The following PARN variants were observed in gnomAD, a reference collection of about 807,000 sequenced individuals.
PARN encodes poly(A)-specific ribonuclease PARN.
In PARN, 71 loss-of-function variants were observed where a neutral mutation model predicts 102.8. The ratio of observed to expected loss-of-function variants is 0.69; its 90% confidence interval spans 0.57 to 0.84. The LOEUF (loss-of-function observed/expected upper bound fraction) is 0.84. Among genes scored for constraint, PARN ranks in the 40% least tolerant of loss-of-function variants. The probability of loss-of-function intolerance (pLI) is 0.00; values close to 1 mark genes in which losing one functional copy is unlikely to be tolerated. For missense variants in PARN, 782 were observed against 760.9 expected (o/e 1.03, Z -0.33); for synonymous variants, 261 against 252.9 (o/e 1.03, Z -0.30).
At chr16:14,497,762 G>A (rs2151620034) in intron 21 of PARN, among the ~76,000 whole-genome samples, 2 of 149,340 alleles carry the variant, frequency 1.3e-5, no homozygotes, top group South Asian at 4.2e-4. Flanking sequence ...CTTTCATTAA[G>A]GGCTGCACTA....
chr16:14,463,847 G>GGT (rs1962152198), intron 22 of PARN, among the ~76,000 whole-genome samples: 1 of 140,574 alleles, frequency 7.1e-6, no homozygotes, highest in Non-Finnish European at 1.6e-5. Context: ...TTGGGGGGGG[G>GGT]GGGACGACAA....
intron 21 of PARN, among the ~76,000 whole-genome samples, chr16:14,524,878 C>T (rs1166225648): frequency 2.0e-5 from 3 of 152,180 alleles, no homozygotes; most frequent in Non-Finnish European, 4.4e-5. Context: ...TAAAATGAAA[C>T]TCTTATTTCC....
At chr16:14,594,280 T>C (rs183279068) in intron 12 of PARN, among the ~76,000 whole-genome samples, 2 of 152,226 alleles carry the variant, frequency 1.3e-5, no homozygotes, top group African/African-American at 4.8e-5. Context: ...ATATATGTGC[T>C]GGCAGCCCTC....
chr16:14,561,291 T>C (rs1173391832), intron 18 of PARN, among the ~76,000 whole-genome samples: 2 of 151,942 alleles, frequency 1.3e-5, no homozygotes, highest in Non-Finnish European at 2.9e-5. Context: ...GTTAGCAAAA[T>C]GTGCTTCCCC....
At chr16:14,626,109 T>C (rs939974148) in intron 5 of PARN, among the ~76,000 whole-genome samples, 6 of 152,012 alleles carry the variant, frequency 3.9e-5, no homozygotes, top group Middle Eastern at 6.8e-3. Flanking sequence ...AAACAGTAGT[T>C]TTTTTTTCTA....
At chr16:14,589,876 G>A (rs1320094222) in intron 13 of PARN, among the ~76,000 whole-genome samples, 1 of 147,194 alleles carries the variant, frequency 6.8e-6, no homozygotes. Flanking sequence ...CAAAAAAAAA[G>A]GTGCGAAAGT....
intron 21 of PARN, among the ~76,000 whole-genome samples, chr16:14,536,881 T>C (rs2151680599): frequency 6.6e-6 from 1 of 152,054 alleles, no homozygotes; most frequent in East Asian, 1.9e-4. Context: ...AAGACATTGG[T>C]CCAGACAAAG....
chr16:14,482,880 C>G (rs558181654), intron 21 of PARN, 53 bp from the exon 22 acceptor site: 1 of 1,441,412 alleles, frequency 6.9e-7, no homozygotes, highest in African/African-American at 1.4e-5. Context: ...GGCCTAGCCC[C>G]AAAGATGACA....
At chr16:14,549,512 C>A (rs747730797) in intron 21 of PARN, among the ~76,000 whole-genome samples, 8 of 152,038 alleles carry the variant, frequency 5.3e-5, no homozygotes, top group Non-Finnish European at 1.0e-4. Context: ...AGAGTTACCA[C>A]GGAATAAAAT....
intron 21 of PARN, among the ~76,000 whole-genome samples, chr16:14,513,420 C>T (rs754626379): frequency 1.3e-5 from 2 of 152,272 alleles, no homozygotes; most frequent in African/African-American, 2.4e-5. Flanking sequence ...ATTAGCGTTT[C>T]GTGCTGGGAG....
intron 22 of PARN, among the ~76,000 whole-genome samples, chr16:14,461,659 G>A (rs1473147146): frequency 6.6e-6 from 1 of 152,164 alleles, no homozygotes; most frequent in African/African-American, 2.4e-5. Flanking sequence ...TAACTCAAAT[G>A]GCAGCAGTGT....
At chr16:14,545,024 C>CA (rs1412891112) in intron 21 of PARN, among the ~76,000 whole-genome samples, 5 of 151,784 alleles carry the variant, frequency 3.3e-5, no homozygotes, top group Non-Finnish European at 7.4e-5. Flanking sequence ...CCATCTCTAC[C>CA]AAAAAATACA....
intron 21 of PARN, among the ~76,000 whole-genome samples, chr16:14,531,857 A>C (rs1966349260): frequency 6.6e-6 from 1 of 151,752 alleles, no homozygotes; most frequent in African/African-American, 2.4e-5. Context: ...TTATTTTAAA[A>C]CTTGTATTCA....
At chr16:14,611,308 A>G (rs964950555) in intron 6 of PARN, among the ~76,000 whole-genome samples, 1 of 152,226 alleles carries the variant, frequency 6.6e-6, no homozygotes, top group African/African-American at 2.4e-5. Flanking sequence ...ACAGCATCAC[A>G]TTGGAGAGAG....
intron 23 of PARN, among the ~76,000 whole-genome samples, chr16:14,442,106 T>G (rs182484403): frequency 1.3e-5 from 2 of 152,138 alleles, no homozygotes; most frequent in Middle Eastern, 3.2e-3. Context: ...GTAAACACCA[T>G]CTAACTAAGG....
chr16:14,563,322 G>T (rs1463822468), intron 18 of PARN, among the ~76,000 whole-genome samples: 1 of 152,184 alleles, frequency 6.6e-6, no homozygotes, highest in Non-Finnish European at 1.5e-5. Context: ...CACGCCTAGT[G>T]TTGGAGCCAG....
chr16:14,476,062 GAAAATA>G, intron 22 of PARN, among the ~76,000 whole-genome samples: 1 of 152,012 alleles, frequency 6.6e-6, no homozygotes, highest in East Asian at 1.9e-4. Context: ...AAAACAAAAA[GAAAATA>G]AAAATAAAAG....
At chr16:14,485,045 C>T (rs1353541066) in intron 21 of PARN, among the ~76,000 whole-genome samples, 1 of 152,170 alleles carries the variant, frequency 6.6e-6, no homozygotes, top group Admixed American at 6.5e-5. Flanking sequence ...CACTGTGAGA[C>T]CCCCGTCTCT....
At chr16:14,506,905 A>C (rs1596536036) in intron 21 of PARN, among the ~76,000 whole-genome samples, 1 of 152,346 alleles carries the variant, frequency 6.6e-6, no homozygotes, top group Middle Eastern at 3.4e-3. Flanking sequence ...ACAAACAAAA[A>C]AGGAAAGAAA....
Sources: gnomAD v4.1 joint callset for allele counts (sites outside exome capture counted in the v4.1 genomes callset) on GRCh38, gnomAD v4.1.1 for gene constraint, MANE v1.5 for transcripts, NCBI Gene and HGNC (gene_info 2026-07-23, HGNC 2026-07-21) for gene names.